Variants in RBFOX1 observed in about 807,000 individuals in gnomAD.
RBFOX1 encodes the protein RNA binding fox-1 homolog 1.
A neutral mutation model predicts 57.7 loss-of-function variants in RBFOX1; 8 were observed. The ratio of observed to expected loss-of-function variants is 0.14; its 90% CI spans 0.08 to 0.25. The LOEUF is 0.25. RBFOX1 is among the 10% of genes least tolerant of loss of function. RBFOX1 has a pLI of 1.00. For synonymous variants in RBFOX1, 326 were observed against 222.4 expected, an observed-to-expected ratio of 1.47 and a Z score of -4.15; for missense variants, 611 against 548.5, an observed-to-expected ratio of 1.11 and a Z score of -1.14.
chr16:7,561,336 A>C (rs1320151868), intron 5 of RBFOX1, among the ~76,000 whole-genome samples: 1 of 152,238 alleles, frequency 6.6e-6, no homozygotes, highest in Non-Finnish European at 1.5e-5. Flanking sequence ...CTTTAAAGAA[A>C]AAGCATGCTA....
At chr16:7,338,419 AG>A (rs2096833303) in intron 4 of RBFOX1, among the ~76,000 whole-genome samples, 1 of 152,082 alleles carries the variant, frequency 6.6e-6, no homozygotes, top group South Asian at 2.1e-4. Context: ...TTTTAGAGAA[AG>A]GGTCTCACTC....
chr16:6,053,450 A>C (rs1400932786), intron 1 of RBFOX1, among the ~76,000 whole-genome samples: 1 of 152,202 alleles, frequency 6.6e-6, no homozygotes, highest in African/African-American at 2.4e-5. Flanking sequence ...GTATAGAAGT[A>C]AGAGGCAGCT....
At chr16:5,411,177 A>G (rs1311429582) in intron 1 of RBFOX1, among the ~76,000 whole-genome samples, 1 of 152,254 alleles carries the variant, frequency 6.6e-6, no homozygotes, top group African/African-American at 2.4e-5. Context: ...CCTCAAAGAT[A>G]TCAACACCTT....
intron 4 of RBFOX1, among the ~76,000 whole-genome samples, chr16:6,001,765 A>G (rs975462287): frequency 6.6e-6 from 1 of 152,142 alleles, no homozygotes; most frequent in Non-Finnish European, 1.5e-5. Flanking sequence ...GCTGGTACAA[A>G]TATATGACAG....
intron 1 of RBFOX1, among the ~76,000 whole-genome samples, chr16:6,270,459 G>C (rs1489216903): frequency 1.0e-5 from 1 of 98,878 alleles, no homozygotes; most frequent in Non-Finnish European, 1.9e-5. Flanking sequence ...AGATTTAAGA[G>C]CAAAAAAAAA....
intron 1 of RBFOX1, among the ~76,000 whole-genome samples, chr16:5,326,865 A>C (rs888558988): frequency 1.3e-5 from 2 of 152,182 alleles, no homozygotes; most frequent in African/African-American, 4.8e-5. Flanking sequence ...ATATCTCAGC[A>C]GAAAGCCCAG....
chr16:6,937,103 TAAATA>T (rs2077498592), intron 3 of RBFOX1, among the ~76,000 whole-genome samples: 1 of 151,908 alleles, frequency 6.6e-6, no homozygotes, highest in South Asian at 2.1e-4. Context: ...AATAAAAAAA[TAAATA>T]AAAAAAGATC....
intron 4 of RBFOX1, among the ~76,000 whole-genome samples, chr16:7,398,119 A>G (rs893359033): frequency 6.6e-6 from 1 of 152,248 alleles, no homozygotes; most frequent in Non-Finnish European, 1.5e-5. Flanking sequence ...TTGCAACACT[A>G]GGATTCCACA....
intron 3 of RBFOX1, among the ~76,000 whole-genome samples, chr16:6,850,109 C>T (rs868843065): frequency 8.5e-5 from 13 of 152,122 alleles, no homozygotes; most frequent in African/African-American, 3.1e-4. Context: ...TATTTAGCTT[C>T]TTGGATTCTA....
intron 3 of RBFOX1, among the ~76,000 whole-genome samples, chr16:6,928,470 G>T (rs142368763): frequency 1.3e-5 from 2 of 152,112 alleles, no homozygotes; most frequent in African/African-American, 4.8e-5. Flanking sequence ...AGGAAAGAAC[G>T]TTCAACTCAG....
chr16:7,528,198 GC>G (rs1338343942), intron 5 of RBFOX1, among the ~76,000 whole-genome samples: 5 of 152,202 alleles, frequency 3.3e-5, no homozygotes, highest in African/African-American at 1.2e-4. Flanking sequence ...GGCTTCACTG[GC>G]TTATTTCCAT....
At chr16:6,457,012 A>C (rs562642714) in intron 2 of RBFOX1, among the ~76,000 whole-genome samples, 40 of 152,328 alleles carry the variant, frequency 2.6e-4, no homozygotes, top group African/African-American at 9.4e-4. Context: ...GAGTATAAGA[A>C]TCTCACACTG....
At chr16:6,375,818 C>A (rs559318119) in intron 2 of RBFOX1, among the ~76,000 whole-genome samples, 2 of 152,230 alleles carry the variant, frequency 1.3e-5, no homozygotes, top group East Asian at 3.9e-4. Context: ...TTTCCCTATC[C>A]CTTCTCTCTC....
chr16:7,204,300 C>T (rs1050189053), intron 4 of RBFOX1, among the ~76,000 whole-genome samples: 3 of 152,174 alleles, frequency 2.0e-5, no homozygotes, highest in African/African-American at 7.2e-5. Context: ...CCATTTTAAT[C>T]TGAGGGAGGA....
chr16:5,504,273 G>A (rs756685156), intron 2 of RBFOX1, among the ~76,000 whole-genome samples: 30 of 152,302 alleles, frequency 2.0e-4, no homozygotes, highest in Non-Finnish European at 3.4e-4. Flanking sequence ...AGAGCAGGCC[G>A]CCTCCCAGGA....
intron 1 of RBFOX1, among the ~76,000 whole-genome samples, chr16:5,441,363 G>GTT (rs34446326): frequency 0.016 from 1,742 of 111,688 alleles, 27 homozygotes; most frequent in Non-Finnish European, 0.019. Flanking sequence ...AGGAAAGAGG[G>GTT]TTTTTTTTTT....
intron 2 of RBFOX1, among the ~76,000 whole-genome samples, chr16:6,477,293 G>C (rs549921549): frequency 1.2e-3 from 184 of 152,306 alleles, no homozygotes; most frequent in Non-Finnish European, 2.2e-3. Flanking sequence ...GTTTATGGCA[G>C]CTATAACCTT....
rs1477423798 is a variant in RBFOX1, at chr16:6,889,112, C to CA, written c.-15-162939dup. 2.0e-5 allele frequency among the ~76,000 whole-genome samples: 3 copies of CA among 152,120 alleles called. No homozygotes were observed. In the South Asian group the frequency reaches 6.2e-4, roughly 32 times the overall value. On this transcript the variant is annotated intron_variant, in intron 3 of 15. Transcript: ENST00000550418. ...GGGATATCACAGTGGACAAGAATTCCAAAAAACCTGGCTTCAAATCTCCAA... is the reference window on the plus strand; with the variant it reads ...GGGATATCACAGTGGACAAGAATTCCAAAAAAACCTGGCTTCAAATCTCCAA...
At chr16:6,593,972 G>A (rs1168110707) in intron 2 of RBFOX1, among the ~76,000 whole-genome samples, 1 of 152,184 alleles carries the variant, frequency 6.6e-6, no homozygotes, top group African/African-American at 2.4e-5. Flanking sequence ...GATTAGTCAT[G>A]CACGTGGAAG....
Sources: gnomAD v4.1 joint callset for allele counts (sites outside exome capture counted in the v4.1 genomes callset) on GRCh38, gnomAD v4.1.1 for gene constraint, MANE v1.5 for transcripts, NCBI Gene and HGNC (gene_info 2026-07-23, HGNC 2026-07-21) for gene names.